Variants in DAB1 observed in about 807,000 individuals in gnomAD.
DAB1 encodes the protein disabled homolog 1.
In DAB1, 15 loss-of-function variants were observed where a neutral mutation model predicts 64.6. The ratio of observed to expected loss-of-function variants is 0.23; its 90% CI spans 0.16 to 0.36. The LOEUF (loss-of-function observed/expected upper bound fraction) is 0.36. Among genes scored for constraint, DAB1 ranks in the 10% least tolerant of loss-of-function variants. The pLI is 1.00. For missense variants in DAB1, 596 were observed against 706.7 expected (o/e 0.84, Z 1.78); for synonymous variants, 235 against 251.9 (o/e 0.93, Z 0.64).
At chr1:58,295,864 G>T (rs1038545717) in intron 4 of DAB1, among the ~76,000 whole-genome samples, 23 of 151,618 alleles carry the variant, frequency 1.5e-4, no homozygotes, top group Non-Finnish European at 3.2e-4. Flanking sequence ...GTCAAGGTGG[G>T]TGGATTACTT....
At chr1:58,099,530 T>C (rs1378173306) in intron 5 of DAB1, among the ~76,000 whole-genome samples, 6 of 152,192 alleles carry the variant, frequency 3.9e-5, no homozygotes, top group Non-Finnish European at 8.8e-5. Flanking sequence ...TTATTCACCA[T>C]TTGCTATGCG....
chr1:57,915,572 C>T (rs1285655696), intron 5 of DAB1, among the ~76,000 whole-genome samples: 8 of 152,152 alleles, frequency 5.3e-5, no homozygotes, highest in Admixed American at 3.9e-4. Context: ...TCAATTCCCC[C>T]CCAGCTCATC....
At chr1:57,166,927 T>A (rs1202439780) in intron 2 of DAB1, among the ~76,000 whole-genome samples, 1 of 152,170 alleles carries the variant, frequency 6.6e-6, no homozygotes, top group Non-Finnish European at 1.5e-5. Context: ...AAGTTCATAG[T>A]CTCTCCACCA....
chr1:58,526,723 A>T (rs1646355770), intron 2 of DAB1, among the ~76,000 whole-genome samples: 1 of 152,134 alleles, frequency 6.6e-6, no homozygotes, highest in Admixed American at 6.5e-5. Context: ...CAACAGGATC[A>T]ACCTATCTTC....
chr1:58,043,108 A>G (rs1647163487), intron 5 of DAB1, among the ~76,000 whole-genome samples: 1 of 152,212 alleles, frequency 6.6e-6, no homozygotes, highest in Admixed American at 6.5e-5. Flanking sequence ...ATGAATCACC[A>G]AAATGTTAAT....
At chr1:58,220,876 C>T (rs1044226832) in intron 4 of DAB1, among the ~76,000 whole-genome samples, 71 of 151,238 alleles carry the variant, frequency 4.7e-4, no homozygotes, top group African/African-American at 1.6e-3. Context: ...CATATATACA[C>T]ACACACACAC....
At chr1:58,158,065 A>C (rs542812334) in intron 4 of DAB1, among the ~76,000 whole-genome samples, 78 of 152,222 alleles carry the variant, frequency 5.1e-4, no homozygotes, top group African/African-American at 1.9e-3. Context: ...TGCCTGTCCT[A>C]GTGACTCTAA....
chr1:58,300,629 A>G (rs1662124755), intron 4 of DAB1, among the ~76,000 whole-genome samples: 1 of 59,318 alleles, frequency 1.7e-5, no homozygotes, highest in South Asian at 8.6e-4. Context: ...AGAGAGAGAG[A>G]GAGAGAGAGA....
At chr1:57,018,498 G>A (rs1329448) in intron 11 of DAB1, among the ~76,000 whole-genome samples, 20,296 of 152,112 alleles carry the variant, frequency 0.13, 1,830 homozygotes, top group East Asian at 0.33. Flanking sequence ...TTGAAAAATT[G>A]TGTAGCTAGA....
chr1:57,104,709 G>T (rs769042520), intron 4 of DAB1, among the ~76,000 whole-genome samples: 2 of 152,154 alleles, frequency 1.3e-5, no homozygotes, highest in Non-Finnish European at 2.9e-5. Context: ...CATGGCATTC[G>T]GTTGAGAGAG....
chr1:57,579,864 G>A (rs547485095), intron 7 of DAB1, among the ~76,000 whole-genome samples: 6 of 152,158 alleles, frequency 3.9e-5, no homozygotes, highest in Non-Finnish European at 7.3e-5. Context: ...GAGACATCAG[G>A]AAAGCTCAGA....
chr1:57,094,587 C>CTTCCT, intron 4 of DAB1, among the ~76,000 whole-genome samples: 1 of 152,336 alleles, frequency 6.6e-6, no homozygotes, highest in Middle Eastern at 3.4e-3. Context: ...ATTACAATTA[C>CTTCCT]ACATTCACTT....
chr1:57,860,932 T>A (rs755648407), intron 1 of DAB1: 5 of 152,036 alleles, frequency 3.3e-5, no homozygotes, highest in Non-Finnish European at 5.9e-5. Context: ...GGAGAGTGAG[T>A]TGGGTAGCTG....
chr1:57,124,430 A>G (rs1393549907), intron 4 of DAB1, among the ~76,000 whole-genome samples: 1 of 152,206 alleles, frequency 6.6e-6, no homozygotes, highest in East Asian at 1.9e-4. Context: ...AGCCATTTAT[A>G]TGGAAGATGA....
At chr1:58,492,177 C>G (rs566901824) in intron 3 of DAB1, among the ~76,000 whole-genome samples, 88 of 152,124 alleles carry the variant, frequency 5.8e-4, no homozygotes, top group African/African-American at 1.9e-3. Flanking sequence ...GGGTACATAA[C>G]GAAATGAAGG....
intron 5 of DAB1, among the ~76,000 whole-genome samples, chr1:58,085,454 A>G (rs1042698652): frequency 1.3e-5 from 2 of 151,914 alleles, no homozygotes; most frequent in Non-Finnish European, 2.9e-5. Context: ...TGCAGCCTCA[A>G]CCTCCTGGGC....
chr1:57,125,724 C>T (rs1657076703), intron 4 of DAB1, among the ~76,000 whole-genome samples: 1 of 152,112 alleles, frequency 6.6e-6, no homozygotes, highest in Admixed American at 6.5e-5. Flanking sequence ...ACCTTCTACT[C>T]ATCGACAAAT....
At chr1:57,097,585 T>C (rs1253873389) in intron 4 of DAB1, among the ~76,000 whole-genome samples, 1 of 152,174 alleles carries the variant, frequency 6.6e-6, no homozygotes, top group Non-Finnish European at 1.5e-5. Flanking sequence ...TCTTCCATAC[T>C]TGGAGATCAC....
Position 57,509,220 on chromosome 1 carries a change from G to T in DAB1, n.625+140372C>A, listed in dbSNP as rs939436293. 3.9e-5 allele frequency among the ~76,000 whole-genome samples: 6 copies of T among 151,968 alleles called. No individual in the cohort carries two copies. In the East Asian group the frequency reaches 5.8e-4, roughly 15 times the overall value. On this transcript the variant is annotated intron_variant and non_coding_transcript_variant, in intron 7 of 20. Transcript: ENST00000485760. ...AAAGATATTGTACATGAAGTGCCTG[G>T]CATAGTGCCTAGCCTATAACACATG...
Sources: gnomAD v4.1 joint callset for allele counts (sites outside exome capture counted in the v4.1 genomes callset) on GRCh38, gnomAD v4.1.1 for gene constraint, MANE v1.5 for transcripts, NCBI Gene and HGNC (gene_info 2026-07-23, HGNC 2026-07-21) for gene names.